Variants in BAIAP2L1 observed in about 807,000 individuals in gnomAD.
BAIAP2L1 encodes BAR/IMD domain-containing adapter protein 2-like 1.
Under a neutral mutation model 66.3 loss-of-function variants are expected in BAIAP2L1, and 35 were observed. That is an observed-to-expected ratio of 0.53 (90% CI 0.40 to 0.70). The LOEUF is 0.70. Ranked by LOEUF, BAIAP2L1 falls within the 30% of genes least tolerant of loss-of-function variation. The pLI is 0.00. For missense variants in BAIAP2L1, 622 were observed against 656.9 expected (o/e 0.95, Z 0.58); for synonymous variants, 269 against 248.7 (o/e 1.08, Z -0.77).
chr7:98,294,455 C>CA (rs1199719322), intron 12 of BAIAP2L1, among the ~76,000 whole-genome samples: 1 of 152,234 alleles, frequency 6.6e-6, no homozygotes, highest in East Asian at 1.9e-4. Context: ...TCCCAGGTGT[C>CA]AGAGCGTGAA....
At chr7:98,352,008 C>T (rs1190293026) in intron 3 of BAIAP2L1, among the ~76,000 whole-genome samples, 1 of 152,016 alleles carries the variant, frequency 6.6e-6, no homozygotes, top group African/African-American at 2.4e-5. Context: ...GTTGTGAATA[C>T]CAAATACCAA....
intron 1 of BAIAP2L1, among the ~76,000 whole-genome samples, chr7:98,391,978 TAAATACTGAA>T (rs1441416472): frequency 6.6e-6 from 1 of 151,996 alleles, no homozygotes; most frequent in Non-Finnish European, 1.5e-5. Context: ...TACACATGCT[TAAATACTGAA>T]AACACACACA....
chr7:98,376,106 C>G (rs1374072421), intron 1 of BAIAP2L1, among the ~76,000 whole-genome samples: 1 of 152,166 alleles, frequency 6.6e-6, no homozygotes, highest in Non-Finnish European at 1.5e-5. Context: ...ATCTGCTCAC[C>G]TTGGTCTGTA....
At position 98,310,548 on chromosome 7, in the gene BAIAP2L1, C is replaced by T; in HGVS notation, c.852G>A (p.Met284Ile). ...YDTLSKCSPK[M>I]PPAPSGRAYT... ...ATGCTCTGCCTGAAGGAGCGGGGGG[C>T]ATCTTTGGTGAGCATTTAGAAAGGG... Residue 284 changes from methionine to isoleucine, a missense_variant, in exon 9 of 14, where the codon ATG becomes ATA. Met to Ile is a conservative substitution (Grantham distance 10). Transcript: ENST00000005260. 1 of 1,593,022 alleles carries T rather than the reference C, an allele frequency of 6.3e-7. No homozygotes were observed. The highest frequency in any genetic ancestry group is 8.5e-7 in the Non-Finnish European group (1 of 1,174,254).
intron 2 of BAIAP2L1, among the ~76,000 whole-genome samples, chr7:98,358,517 C>T (rs1802192878): frequency 6.6e-6 from 1 of 151,990 alleles, no homozygotes; most frequent in African/African-American, 2.4e-5. Context: ...GCCACCACAC[C>T]TAGCTAATTT....
intron 1 of BAIAP2L1, among the ~76,000 whole-genome samples, chr7:98,368,959 G>A (rs1432790061): frequency 1.3e-5 from 2 of 151,178 alleles, no homozygotes; most frequent in African/African-American, 2.4e-5. Flanking sequence ...GTGAGCTTAC[G>A]TTTTCGTATC....
chr7:98,359,507 G>A (rs1339145198), intron 2 of BAIAP2L1, among the ~76,000 whole-genome samples: 15 of 152,242 alleles, frequency 9.9e-5, no homozygotes, highest in African/African-American at 3.6e-4. Context: ...TCTTGACCTC[G>A]TGATCCGCCC....
intron 3 of BAIAP2L1, among the ~76,000 whole-genome samples, chr7:98,331,938 A>G (rs1165267960): frequency 1.3e-5 from 2 of 152,206 alleles, no homozygotes; most frequent in Non-Finnish European, 2.9e-5. Context: ...CAGTAAAATC[A>G]TCCTTCAAAA....
chr7:98,344,450 CATCT>C (rs1477318829), intron 3 of BAIAP2L1, among the ~76,000 whole-genome samples: 1 of 152,140 alleles, frequency 6.6e-6, no homozygotes, highest in East Asian at 1.9e-4. Flanking sequence ...TTTTCTGAAT[CATCT>C]ATCTAATAGA....
At chr7:98,298,732 G>A (rs892440057) in intron 12 of BAIAP2L1, among the ~76,000 whole-genome samples, 22 of 152,232 alleles carry the variant, frequency 1.4e-4, no homozygotes, top group Non-Finnish European at 2.5e-4. Context: ...TTTGGTTAGG[G>A]AAAGCTAAGT....
intron 1 of BAIAP2L1, among the ~76,000 whole-genome samples, chr7:98,390,938 G>A (rs1803023034): frequency 1.3e-5 from 2 of 151,782 alleles, no homozygotes; most frequent in Non-Finnish European, 2.9e-5. Context: ...CCCGGTTCAA[G>A]CGATCCTGCC....
intron 3 of BAIAP2L1, among the ~76,000 whole-genome samples, chr7:98,346,057 T>C (rs183910317): frequency 7.9e-5 from 12 of 152,332 alleles, no homozygotes; most frequent in African/African-American, 2.4e-4. Flanking sequence ...AAGTTAATTG[T>C]GGTGATAATC....
chr7:98,364,986 C>CAAAAAAAGAAAAAAAAAAA (rs1802359309), intron 1 of BAIAP2L1, among the ~76,000 whole-genome samples: 1 of 30,780 alleles, frequency 3.2e-5, no homozygotes, highest in Non-Finnish European at 5.4e-5. Flanking sequence ...GGATATGTCT[C>CAAAAAAAGAAAAAAAAAAA]AAAAAAAAAA....
chr7:98,370,455 C>T (rs1369039052), intron 1 of BAIAP2L1, among the ~76,000 whole-genome samples: 3 of 150,514 alleles, frequency 2.0e-5, no homozygotes, highest in African/African-American at 7.3e-5. Context: ...AACATATATA[C>T]TTCTTTATTA....
chr7:98,340,434 C>T lies in BAIAP2L1; in HGVS notation c.214+14608G>A, dbSNP rs540623052. ...TCCTGAGTAGCTGGGACTACAGGCG[C>T]CCGCCACCACTCCCGGCTAATTTTT... On this transcript the variant is annotated intron_variant, in intron 3 of 13. Coordinates refer to ENST00000005260, the MANE Select transcript of BAIAP2L1 (RefSeq NM_018842.5). Among the ~76,000 whole-genome samples, 7 of 152,138 alleles carry T rather than the reference C, an allele frequency of 4.6e-5. No individual in the cohort carries two copies. In the East Asian group the frequency reaches 1.4e-3, roughly 29 times the overall value.
intron 1 of BAIAP2L1, among the ~76,000 whole-genome samples, chr7:98,369,845 T>C (rs1252273538): frequency 2.6e-5 from 4 of 151,888 alleles, no homozygotes; most frequent in Admixed American, 6.6e-5. Flanking sequence ...CTAATTTTTG[T>C]TTTTTTAGTA....
chr7:98,364,475 C>T (rs1279436435), intron 1 of BAIAP2L1, among the ~76,000 whole-genome samples: 1 of 152,164 alleles, frequency 6.6e-6, no homozygotes, highest in East Asian at 1.9e-4. Context: ...TAGCATGGCC[C>T]TCCTGGTGGC....
intron 3 of BAIAP2L1, among the ~76,000 whole-genome samples, chr7:98,351,176 G>A (rs1196583604): frequency 6.6e-6 from 1 of 152,104 alleles, no homozygotes. Context: ...TATGAAGTCT[G>A]AAGTATATGC....
chr7:98,295,156 G>A (rs2116782260), intron 12 of BAIAP2L1, among the ~76,000 whole-genome samples: 1 of 152,332 alleles, frequency 6.6e-6, no homozygotes, highest in Middle Eastern at 3.4e-3. Flanking sequence ...CGATGCCAGC[G>A]CTAGAGCGCA....
Sources: allele counts gnomAD v4.1 joint callset (sites outside exome capture counted in the v4.1 genomes callset), GRCh38; gene constraint gnomAD v4.1.1; transcripts MANE v1.5; gene names NCBI Gene and HGNC (gene_info 2026-07-23, HGNC 2026-07-21).